Variants in PLA2G2A observed in about 807,000 individuals in gnomAD.
The protein encoded by PLA2G2A is phospholipase A2 group IIA.
PLA2G2A carries 6 observed loss-of-function variants against 11.2 expected under a neutral mutation model. The observed-to-expected ratio is 0.54, with a 90% CI of 0.29 to 1.06. PLA2G2A has a LOEUF of 1.06. Ranked by LOEUF, PLA2G2A falls within the 50% of genes least tolerant of loss-of-function variation. PLA2G2A has a pLI of 0.08. For missense variants in PLA2G2A, 133 were observed against 177.1 expected (o/e 0.75, Z 1.41); for synonymous variants, 69 against 65.8 (o/e 1.05, Z -0.23).
At chr1:19,976,170 G>T (rs1243161879) in intron 4 of PLA2G2A, among the ~76,000 whole-genome samples, 1 of 152,250 alleles carries the variant, frequency 6.6e-6, no homozygotes, top group Non-Finnish European at 1.5e-5. Context: ...TGTGATTGGT[G>T]TAAGCCAGGC....
upstream of PLA2G2A, among the ~76,000 whole-genome samples, chr1:19,979,956 G>A (rs1398631070): frequency 6.6e-6 from 1 of 152,206 alleles, no homozygotes; most frequent in East Asian, 1.9e-4. Context: ...GCTGTTGCAG[G>A]CTGTGGACTC....
At position 19,978,720 on chromosome 1, in the gene PLA2G2A, G is replaced by C. The variant is rs769845280; in HGVS notation, c.40+14C>G. ...GCTGTCCCCCCATGCTCAGAGGTCA[G>C]GGTCAGCTCTTACCAAAGATCATGA... is the stretch of plus-strand genomic sequence containing the variant. On this transcript the variant is annotated intron_variant, in intron 2 of 4. Transcript: ENST00000482011. The C allele has an allele frequency of 9.3e-6, 15 of 1,613,970 alleles. No individual in the cohort carries two copies. The highest frequency in any genetic ancestry group is 8.8e-5 in the South Asian group (8 of 91,048).
At chr1:19,978,996 CACACAA>C in intron 1 of PLA2G2A, 117 bp from the exon 2 acceptor site, 1 of 592,420 alleles carries the variant, frequency 1.7e-6, no homozygotes, top group Non-Finnish European at 3.1e-6. Flanking sequence ...CACACACACA[CACACAA>C]CCACCTCCTG....
upstream of PLA2G2A, among the ~76,000 whole-genome samples, chr1:19,979,898 G>A (rs141213403): frequency 1.9e-4 from 29 of 152,266 alleles, no homozygotes; most frequent in South Asian, 1.0e-3. Flanking sequence ...TGTGATCAAC[G>A]GTCAGCCACC....
At chr1:19,978,107 T>C (rs780409037) in exon 4 of PLA2G2A, 2 of 1,612,838 alleles carry the variant, frequency 1.2e-6, no homozygotes, top group South Asian at 2.2e-5. Flanking sequence ...GCAACAGTCA[T>C]GAGTGACACA....
At chr1:19,975,484 T>C (rs2046206738), downstream of PLA2G2A, 4 of 600,604 alleles carry the variant, frequency 6.7e-6, no homozygotes, top group Non-Finnish European at 1.2e-5. Context: ...GTACAGCTTC[T>C]TTGGTTAAGC....
At chr1:19,977,993 G>A (rs377235266) in intron 4 of PLA2G2A, 22 bp downstream of exon 4, 72 of 1,390,182 alleles carry the variant, frequency 5.2e-5, no homozygotes, top group African/African-American at 4.5e-4. Context: ...AGGGCCACTC[G>A]ATGGTGAGGT....
intron 3 of PLA2G2A, 98 bp downstream of exon 3, chr1:19,978,282 G>C (rs1180920828): frequency 6.7e-7 from 1 of 1,482,018 alleles, no homozygotes; most frequent in Non-Finnish European, 9.4e-7. Flanking sequence ...AGGCCATCCT[G>C]AGACCTCTGC....
At chr1:19,978,699 TC>T (rs770347260) in intron 2 of PLA2G2A, 34 bp downstream of exon 2, 1 of 1,609,188 alleles carries the variant, frequency 6.2e-7, no homozygotes, top group Non-Finnish European at 8.5e-7. Flanking sequence ...TCTGGGGCTG[TC>T]CCCCCATGCT....
chr1:19,978,206 C>T, intron 3 of PLA2G2A, 85 bp from the exon 4 acceptor site: 1 of 1,338,300 alleles, frequency 7.5e-7, no homozygotes, highest in Non-Finnish European at 1.1e-6. Context: ...GGACCCTGGG[C>T]AGAGACCCAG....
At chr1:19,978,781 G>A in exon 2 of PLA2G2A, 1 of 1,614,120 alleles carries the variant, frequency 6.2e-7, no homozygotes, top group Non-Finnish European at 8.5e-7. Context: ...CATGGTAAGA[G>A]TTCTTGGGTG....
intron 1 of PLA2G2A, chr1:19,979,095 C>T (rs553511327): frequency 7.1e-6 from 3 of 422,690 alleles, no homozygotes; most frequent in Non-Finnish European, 1.3e-5. Context: ...CTAATGAGAC[C>T]TCCCCTGTAC....
At chr1:19,977,974 A>T (rs1218782910) in intron 4 of PLA2G2A, 41 bp downstream of exon 4, 1 of 1,204,782 alleles carries the variant, frequency 8.3e-7, no homozygotes, top group Non-Finnish European at 1.2e-6. Flanking sequence ...AGCACTGTCT[A>T]AACAAATGAG....
rs976186272 is a variant in PLA2G2A, at chr1:19,978,134, A to C, written c.186-13T>G. The C allele has an allele frequency of 3.2e-6, 5 of 1,585,958 alleles. No homozygotes were observed. The highest frequency in any genetic ancestry group is 1.1e-5 in the South Asian group (1 of 90,564). On this transcript the variant is annotated splice_polypyrimidine_tract_variant and intron_variant, in intron 3 of 4. Transcript: ENST00000482011. Reference sequence around the variant, plus strand: ...AGTGACACAGCAGCTGTGAGGAGACACCCTGTTGGGGCTCTTGTCCCACAG... The same window carrying C: ...AGTGACACAGCAGCTGTGAGGAGACCCCCTGTTGGGGCTCTTGTCCCACAG...
exon 4 of PLA2G2A, chr1:19,978,110 G>C: frequency 6.2e-7 from 1 of 1,612,480 alleles, no homozygotes; most frequent in African/African-American, 1.3e-5. Context: ...ACAGTCATGA[G>C]TGACACAGCA....
chr1:19,975,680 G>A (rs371937274), exon 5 of PLA2G2A: 3 of 1,610,590 alleles, frequency 1.9e-6, no homozygotes. Context: ...CTGGGTGGAA[G>A]GTTTCCAGGG....
At chr1:19,975,619 A>G (rs556523321), downstream of PLA2G2A, 18 of 1,339,858 alleles carry the variant, frequency 1.3e-5, no homozygotes, top group African/African-American at 1.9e-4. Flanking sequence ...TGCATGGCCA[A>G]GGAACTTGGT....
At chr1:19,978,563 G>C in intron 2 of PLA2G2A, 39 bp from the exon 3 acceptor site, 1 of 1,611,152 alleles carries the variant, frequency 6.2e-7, no homozygotes, top group Non-Finnish European at 8.5e-7. Flanking sequence ...GATGGGGCAT[G>C]GGGTTCTGCG....
exon 1 of PLA2G2A, chr1:19,979,587 A>G (rs1038906470): frequency 2.0e-5 from 3 of 152,624 alleles, no homozygotes; most frequent in Non-Finnish European, 4.4e-5. Flanking sequence ...TACCTCTCAG[A>G]GGACTCCAGA....
Sources: gnomAD v4.1 joint callset for allele counts (sites outside exome capture counted in the v4.1 genomes callset) on GRCh38, gnomAD v4.1.1 for gene constraint, MANE v1.5 for transcripts, NCBI Gene and HGNC (gene_info 2026-07-23, HGNC 2026-07-21) for gene names.